NDE1: variants seen among roughly 807,000 people sequenced by gnomAD.
NDE1 encodes nudE neurodevelopment protein 1, also known as nuclear distribution protein nudE homolog 1.
NDE1 carries 28 observed loss-of-function variants against 43.4 expected under a neutral mutation model. The observed-to-expected ratio is 0.65, with a 90% CI of 0.48 to 0.89. NDE1 has a LOEUF of 0.89. Among genes scored for constraint, NDE1 ranks in the 40% least tolerant of loss-of-function variants. NDE1 has a pLI of 0.00. For missense variants in NDE1, 441 were observed against 434.1 expected, an observed-to-expected ratio of 1.02 and a Z score of -0.14; for synonymous variants, 184 against 172.0, an observed-to-expected ratio of 1.07 and a Z score of -0.55.
At chr16:15,663,640 C>T (rs1474751185) in intron 1 of NDE1, among the ~76,000 whole-genome samples, 5 of 152,164 alleles carry the variant, frequency 3.3e-5, no homozygotes, top group Admixed American at 3.3e-4. Context: ...ATCCTGGGCA[C>T]TGATAGAAAT....
intron 8 of NDE1, among the ~76,000 whole-genome samples, chr16:15,707,866 G>C (rs921293895): frequency 6.6e-6 from 1 of 150,820 alleles, no homozygotes; most frequent in Non-Finnish European, 1.5e-5. Context: ...CAGCTACTCA[G>C]AAGGCTGAGG....
intron 1 of NDE1, among the ~76,000 whole-genome samples, chr16:15,652,952 C>T (rs985630265): frequency 2.0e-5 from 3 of 152,130 alleles, no homozygotes; most frequent in East Asian, 1.9e-4. Context: ...AGAGAGCCAC[C>T]GCGCCTGGCC....
exon 1 of NDE1, chr16:15,643,665 T>A (rs2036209644): frequency 3.9e-6 from 1 of 259,212 alleles, no homozygotes; most frequent in African/African-American, 2.4e-5. Context: ...CTAAATCTAG[T>A]GCAACCTAGT....
intron 8 of NDE1, chr16:15,708,858 A>AT: frequency 6.2e-7 from 1 of 1,608,648 alleles, no homozygotes; most frequent in Non-Finnish European, 8.5e-7. Flanking sequence ...CAGAGAGAGA[A>AT]TCCCCGGAGG....
intron 6 of NDE1, 72 bp downstream of exon 6, chr16:15,691,395 C>G (rs1269750255): frequency 2.0e-6 from 3 of 1,525,260 alleles, no homozygotes; most frequent in Non-Finnish European, 2.7e-6. Flanking sequence ...GGGGTGGGTC[C>G]TGGGGGTGTG....
rs368366419 is a variant in NDE1, at chr16:15,718,305, C to A, written c.948-5886C>A. ...AGGCAGCGTGACTGTGGTGTCCAGG[C>A]GGCCCTCACCTGCTGTGTGGCTTTG... On this transcript the variant is annotated intron_variant, in intron 8 of 8. Coordinates refer to ENST00000396354, the MANE Select transcript of NDE1 (RefSeq NM_017668.3). 1.2e-6 allele frequency: 2 copies of A among 1,608,124 alleles called. No homozygotes were observed. Among genetic ancestry groups the A allele is most frequent in the Non-Finnish European group, 1.7e-6 (2 of 1,179,966 alleles).
At chr16:15,720,420 A>T in intron 8 of NDE1, 1 of 1,436,812 alleles carries the variant, frequency 7.0e-7, no homozygotes, top group Non-Finnish European at 9.5e-7. Flanking sequence ...CCCCCTTGTG[A>T]GGTGGGCATC....
At chr16:15,691,371 C>A (rs767138962) in intron 6 of NDE1, 48 bp downstream of exon 6, 7 of 1,593,812 alleles carry the variant, frequency 4.4e-6, no homozygotes, top group Non-Finnish European at 6.0e-6. Flanking sequence ...CAAAGTGTTT[C>A]TGGGTAAGAA....
Position 15,667,627 on chromosome 16 carries a change from G to GTT in NDE1, c.237+191_237+192dup, listed in dbSNP as rs1177615503. ...GTGCCTCTAGTGGGTGGTGCTTTTTGTTTTGTTTTTTTTTTTTTTTTGAGA... is the reference window on the plus strand; with the variant it reads ...GTGCCTCTAGTGGGTGGTGCTTTTTGTTTTTTGTTTTTTTTTTTTTTTTGAGA... On this transcript the variant is annotated intron_variant, in intron 3 of 8. Coordinates refer to ENST00000396354, the MANE Select transcript of NDE1 (RefSeq NM_017668.3). Among the ~76,000 whole-genome samples the GTT allele has an allele frequency of 0.17, 18,817 of 111,962 alleles. 2,465 individuals are homozygous for GTT. Among genetic ancestry groups the GTT allele is most frequent in the South Asian group, 0.27 (927 of 3,376 alleles). 73.5% of individuals were successfully genotyped at this position (111,962 alleles called of 152,430 possible). A position where few individuals can be genotyped will look rare whatever the true frequency, so the allele number is the denominator to read the frequency against.
rs57451847 is a variant in NDE1, at chr16:15,705,984, CAAAAAAAAA to C, written c.947+9137_947+9145del. Among the ~76,000 whole-genome samples the C allele has an allele frequency of 8.1e-4, 46 of 56,766 alleles. 1 individual carries two copies. The highest frequency in any genetic ancestry group is 1.6e-3 in the Admixed American group (7 of 4,436). The allele number at this position is 56,766 out of a possible 152,430, so 37.2% of individuals were successfully genotyped here. A position where few individuals can be genotyped will look rare whatever the true frequency, so the allele number is the denominator to read the frequency against. On this transcript the variant is annotated intron_variant, in intron 8 of 8. Transcript: ENST00000396354. Reference sequence around the variant, plus strand: ...TAGGCGACAGGGTGAGACTCCGTCTCAAAAAAAAAAAAAAAAAAAAATCAAGGCCCAGAG... The same window carrying C: ...TAGGCGACAGGGTGAGACTCCGTCTCAAAAAAAAAAAATCAAGGCCCAGAG...
At chr16:15,646,495 C>T (rs1024948024), upstream of NDE1, among the ~76,000 whole-genome samples, 1 of 152,012 alleles carries the variant, frequency 6.6e-6, no homozygotes, top group South Asian at 2.1e-4. Flanking sequence ...GCAGGAGAAT[C>T]GCTTGAACCC....
intron 3 of NDE1, among the ~76,000 whole-genome samples, chr16:15,675,291 C>T (rs1035482373): frequency 3.9e-5 from 6 of 151,906 alleles, no homozygotes; most frequent in Admixed American, 6.6e-5. Flanking sequence ...CTCCGCCTCC[C>T]GGGTTCAAGA....
chr16:15,672,243 G>A (rs1230368002), intron 3 of NDE1, among the ~76,000 whole-genome samples: 1 of 152,024 alleles, frequency 6.6e-6, no homozygotes, highest in Non-Finnish European at 1.5e-5. Flanking sequence ...GACTGTCCTC[G>A]CTAACATGGT....
chr16:15,692,415 G>A (rs2038799687), intron 6 of NDE1, among the ~76,000 whole-genome samples: 1 of 152,242 alleles, frequency 6.6e-6, no homozygotes, highest in African/African-American at 2.4e-5. Flanking sequence ...GAGCCCTTCT[G>A]TTTAGTTTTG....
intron 8 of NDE1, among the ~76,000 whole-genome samples, chr16:15,710,391 C>A (rs141407532): frequency 5.3e-5 from 8 of 152,076 alleles, no homozygotes; most frequent in Non-Finnish European, 1.0e-4. Context: ...TGTGGTGGCA[C>A]GCACCTGTAA....
In NDE1 at chr16:15,655,341, C is replaced by T. The variant is rs528593087; in HGVS notation, c.-44+5047C>T. 1.2e-4 allele frequency among the ~76,000 whole-genome samples: 18 copies of T among 152,160 alleles called. No individual in the cohort carries two copies. The East Asian group carries it at 3.1e-3, about 26-fold the overall frequency. ...CTGATTTGTGTATTTTTAGTAGAGACGGGGTTCACCTTGTGCTGGTCTCAA... is the reference window on the plus strand; with the variant it reads ...CTGATTTGTGTATTTTTAGTAGAGATGGGGTTCACCTTGTGCTGGTCTCAA... On this transcript the variant is annotated intron_variant, in intron 1 of 8. Coordinates refer to ENST00000396354, the MANE Select transcript of NDE1 (RefSeq NM_017668.3).
chr16:15,714,627 G>T (rs1406403698), intron 8 of NDE1: 1 of 562,942 alleles, frequency 1.8e-6, no homozygotes, highest in Non-Finnish European at 3.2e-6. Flanking sequence ...AGGAGACAGT[G>T]GGGATAGCCT....
intron 1 of NDE1, chr16:15,651,432 T>G (rs1310891213): frequency 8.2e-6 from 1 of 122,522 alleles, no homozygotes; most frequent in African/African-American, 2.9e-5. Flanking sequence ...TACAACCCGT[T>G]TTTTTTTTTT....
chr16:15,720,781 G>A (rs978055430), intron 8 of NDE1: 2 of 1,532,974 alleles, frequency 1.3e-6, no homozygotes, highest in African/African-American at 1.4e-5. Flanking sequence ...TGAGAGTGGT[G>A]ATAGGAATGA....
Sources: allele counts gnomAD v4.1 joint callset (sites outside exome capture counted in the v4.1 genomes callset), GRCh38; gene constraint gnomAD v4.1.1; transcripts MANE v1.5; gene names NCBI Gene and HGNC (gene_info 2026-07-23, HGNC 2026-07-21).